The following CACNA1D variants were observed in gnomAD, a reference collection of about 807,000 sequenced individuals.
The protein encoded by CACNA1D is calcium voltage-gated channel subunit alpha1 D, also known as voltage-dependent L-type calcium channel subunit alpha-1D.
Under a neutral mutation model 257.1 loss-of-function variants are expected in CACNA1D, and 55 were observed. The ratio of observed to expected loss-of-function variants is 0.21; its 90% CI spans 0.17 to 0.27. CACNA1D has a LOEUF of 0.27. Ranked by LOEUF, CACNA1D falls within the 10% of genes least tolerant of loss-of-function variation. CACNA1D has a pLI of 1.00. For missense variants in CACNA1D, 1,876 were observed against 2,784.0 expected (o/e 0.67, Z 7.34); for synonymous variants, 980 against 1,014.9 (o/e 0.97, Z 0.65).
chr3:53,512,562 C>G (rs976800881), intron 3 of CACNA1D, among the ~76,000 whole-genome samples: 3 of 152,148 alleles, frequency 2.0e-5, no homozygotes, highest in Non-Finnish European at 4.4e-5. Context: ...CCAGCATGAC[C>G]TGCCCTGGGT....
intron 3 of CACNA1D, among the ~76,000 whole-genome samples, chr3:53,622,894 CTT>C (rs200259187): frequency 2.8e-5 from 4 of 144,818 alleles, no homozygotes; most frequent in Non-Finnish European, 1.5e-5. Flanking sequence ...TGAAAGAAGC[CTT>C]TTTTTTTTTT....
chr3:53,753,779 TGTTCTGGCCGCTAACTGG>T, intron 29 of CACNA1D, 97 bp downstream of exon 29: 2 of 780,378 alleles, frequency 2.6e-6, no homozygotes, highest in Non-Finnish European at 4.6e-6. Flanking sequence ...TATGCTAAAG[TGTTCTGGCCGCTAACTGG>T]GTTACCACCT....
intron 45 of CACNA1D, 96 bp from the exon 46 acceptor site, chr3:53,808,553 C>A: frequency 1.4e-6 from 2 of 1,453,140 alleles, no homozygotes; most frequent in Non-Finnish European, 1.9e-6. Flanking sequence ...TCTTCCTGGG[C>A]TCGTTGCTGA....
At chr3:53,568,013 G>T (rs767717190) in intron 3 of CACNA1D, among the ~76,000 whole-genome samples, 1 of 152,180 alleles carries the variant, frequency 6.6e-6, no homozygotes, top group Admixed American at 6.5e-5. Context: ...TAAATAAGTC[G>T]TTTAACCTAA....
intron 5 of CACNA1D, 37 bp downstream of exon 5, chr3:53,660,312 T>G: frequency 6.2e-7 from 1 of 1,609,308 alleles, no homozygotes; most frequent in Non-Finnish European, 8.5e-7. Flanking sequence ...AGGAGTGTGC[T>G]GGTTTTTTCT....
intron 11 of CACNA1D, 38 bp downstream of exon 11, chr3:53,719,819 G>A (rs753771146): frequency 2.5e-6 from 4 of 1,593,660 alleles, no homozygotes; most frequent in South Asian, 2.2e-5. Flanking sequence ...CAGCCTGTGT[G>A]TTGCCTTTGT....
chr3:53,527,429 A>G (rs954776181), intron 3 of CACNA1D, among the ~76,000 whole-genome samples: 2 of 152,240 alleles, frequency 1.3e-5, no homozygotes, highest in Admixed American at 1.3e-4. Context: ...TTAGGATTGT[A>G]TTCTCAAACC....
At chr3:53,665,618 G>A in intron 5 of CACNA1D, 42 bp from the exon 6 acceptor site, 1 of 1,526,820 alleles carries the variant, frequency 6.5e-7, no homozygotes, top group Non-Finnish European at 9.1e-7. Flanking sequence ...TCATTGGAGT[G>A]CCTTCCTGGC....
intron 20 of CACNA1D, among the ~76,000 whole-genome samples, chr3:53,739,001 A>T (rs2095087262): frequency 1.3e-5 from 2 of 152,200 alleles, no homozygotes; most frequent in Non-Finnish European, 2.9e-5. Context: ...TCCATTACAC[A>T]GAAGTGGTCC....
chr3:53,695,371 CTCAGCAGGCA>C (rs1329489777), intron 8 of CACNA1D, among the ~76,000 whole-genome samples: 1 of 152,198 alleles, frequency 6.6e-6, no homozygotes, highest in East Asian at 1.9e-4. Flanking sequence ...CCCCGAGACC[CTCAGCAGGCA>C]TCCTTCTTCC....
At chr3:53,652,745 C>G (rs573009685) in intron 4 of CACNA1D, among the ~76,000 whole-genome samples, 2 of 152,202 alleles carry the variant, frequency 1.3e-5, no homozygotes, top group African/African-American at 4.8e-5. Context: ...GCCCATCTAG[C>G]CTGCCACCTA....
In CACNA1D at chr3:53,561,889, A is replaced by G. The variant is rs546071642; in HGVS notation, c.483+60169A>G. On this transcript the variant is annotated intron_variant, in intron 3 of 47. Coordinates refer to ENST00000350061, the MANE Select transcript of CACNA1D (RefSeq NM_001128840.3). The stretch of plus-strand genomic sequence containing the variant: ...TTTTTGTTCATTCTATAATTTTTTT[A>G]TCCCTTTTACATTGCATGTCTTGAT... Among the ~76,000 whole-genome samples the G allele has an allele frequency of 9.9e-5, 15 of 152,264 alleles. No individual in the cohort carries two copies. In the South Asian group the frequency reaches 1.5e-3, roughly 15 times the overall value.
intron 4 of CACNA1D, 121 bp downstream of exon 4, chr3:53,651,039 G>A (rs2094086428): frequency 3.4e-6 from 3 of 881,326 alleles, no homozygotes; most frequent in Non-Finnish European, 3.8e-6. Flanking sequence ...GCCAGCTGTT[G>A]CACCAGAACC....
At chr3:53,578,853 G>A (rs988984620) in intron 3 of CACNA1D, among the ~76,000 whole-genome samples, 1 of 152,184 alleles carries the variant, frequency 6.6e-6, no homozygotes, top group African/African-American at 2.4e-5. Context: ...CACTGGACTT[G>A]CAAATCAAAG....
chr3:53,572,490 C>T (rs527574348), intron 3 of CACNA1D, among the ~76,000 whole-genome samples: 39 of 152,186 alleles, frequency 2.6e-4, no homozygotes, highest in African/African-American at 9.4e-4. Flanking sequence ...GTCTCGACCT[C>T]CTAGGCTCAA....
chr3:53,739,832 A>G (rs2095097810), intron 20 of CACNA1D, among the ~76,000 whole-genome samples: 1 of 152,366 alleles, frequency 6.6e-6, no homozygotes, highest in African/African-American at 2.4e-5. Flanking sequence ...TGCCGCTGCC[A>G]TCTTCATTTA....
At chr3:53,724,088 A>G in intron 14 of CACNA1D, 89 bp downstream of exon 14, 18 of 1,060,266 alleles carry the variant, frequency 1.7e-5, no homozygotes, top group Non-Finnish European at 2.2e-5. Context: ...TCAGGAAGAC[A>G]AAAGGACTCC....
At chr3:53,590,619 A>G (rs987269344) in intron 3 of CACNA1D, among the ~76,000 whole-genome samples, 6 of 152,252 alleles carry the variant, frequency 3.9e-5, no homozygotes, top group Non-Finnish European at 7.3e-5. Flanking sequence ...TGGTCATCAC[A>G]GTTCTAATTC....
intron 10 of CACNA1D, among the ~76,000 whole-genome samples, chr3:53,719,138 C>A (rs559884392): frequency 1.9e-4 from 29 of 152,306 alleles, no homozygotes; most frequent in Non-Finnish European, 3.7e-4. Flanking sequence ...CAGGTCTTAT[C>A]TCTGTAAAGT....
Sources: allele counts gnomAD v4.1 joint callset (sites outside exome capture counted in the v4.1 genomes callset), GRCh38; gene constraint gnomAD v4.1.1; transcripts MANE v1.5; gene names NCBI Gene and HGNC (gene_info 2026-07-23, HGNC 2026-07-21).